Variants in PCNT observed in about 807,000 individuals in gnomAD.
PCNT encodes pericentrin, also known as kendrin.
A neutral mutation model predicts 380.4 loss-of-function variants in PCNT; 319 were observed. The observed-to-expected ratio is 0.84, with a 90% CI of 0.77 to 0.92. The LOEUF is 0.92. PCNT is among the 40% of genes least tolerant of loss of function. PCNT has a pLI of 0.00. For missense variants in PCNT, 4,400 were observed against 4,255.3 expected (o/e 1.03, Z -0.95); for synonymous variants, 1,845 against 1,735.2 (o/e 1.06, Z -1.57).
In PCNT at chr21:46,416,559, G is replaced by A. The variant is rs2087034856; in HGVS notation, c.6641G>A (p.Ser2214Asn). The A allele has an allele frequency of 1.9e-6, 3 of 1,612,400 alleles. No individual in the cohort carries two copies. The highest frequency in any genetic ancestry group is 1.7e-5 in the Admixed American group (1 of 59,880). ...ACTGCAGAGGCTGGGCCCCGGAAGA[G>A]CCCGGTCGGGATGCTGGACCTGTCT... is the stretch of plus-strand genomic sequence containing the variant. ...SHTAEAGPRK[S>N]PVGMLDLSSW... Residue 2214 changes from serine to asparagine, a missense_variant, in exon 30 of 47, where the codon AGC (serine) becomes AAC (asparagine). Coordinates refer to ENST00000359568, the MANE Select transcript of PCNT (RefSeq NM_006031.6).
chr21:46,398,131 G>A lies in PCNT; in HGVS notation c.4563+1G>A. On this transcript the variant is annotated splice_donor_variant, in intron 23 of 46. Transcript: ENST00000359568. LOFTEE classifies it high-confidence loss of function. ...GCCCTGGGGCCCTCGCGACAGCCAG[G>A]TGAGTCAGTGCAGCGTGCAGTGCTG... The A allele has an allele frequency of 6.2e-7, 1 of 1,607,034 alleles. No individual in the cohort carries two copies. The highest frequency in any genetic ancestry group is 8.5e-7 in the Non-Finnish European group (1 of 1,177,254).
chr21:46,441,182 CATA>C lies in PCNT; in HGVS notation c.9623+102_9623+104del, dbSNP rs2053598470. ...TTGGTCATTTTATTCCTTGAAACTC[CATA>C]ATATGTTCTTTTTAAAGATGAATGG... On this transcript the variant is annotated intron_variant, in intron 43 of 46. Coordinates refer to ENST00000359568, the MANE Select transcript of PCNT (RefSeq NM_006031.6). 3 of 777,622 alleles carry C rather than the reference CATA, an allele frequency of 3.9e-6. No homozygotes were observed. The Admixed American group carries it at 5.8e-5, about 15-fold the overall frequency. 48.2% of individuals were successfully genotyped at this position (777,622 alleles called of 1,614,324 possible).
At chr21:46,412,758 CCCAG>C in intron 28 of PCNT, 75 bp from the exon 29 acceptor site, 1 of 1,509,188 alleles carries the variant, frequency 6.6e-7, no homozygotes, top group South Asian at 1.1e-5. Flanking sequence ...CGTACTGGTT[CCCAG>C]CTCCAGGCCA....
chr21:46,398,298 C>T, intron 24 of PCNT, 43 bp downstream of exon 24: 1 of 1,572,810 alleles, frequency 6.4e-7, no homozygotes, highest in Non-Finnish European at 8.6e-7. Context: ...GCGCTGGCGC[C>T]CAGGCTCCCC....
In PCNT at chr21:46,389,208, T is replaced by A. The variant is rs1430261995; in HGVS notation, c.3617T>A (p.Leu1206Gln). Residue 1206 changes from leucine to glutamine, a missense_variant, in exon 19 of 47, where the codon CTG (leucine) becomes CAG (glutamine). Transcript: ENST00000359568. ...TCTGCTCATCTTGTAGCTCCGGCGC[T>A]GGAGGAGACATGGTCTGATGTGGCC... ...AGLALSTAPA[L>Q]EETWSDVALP... 1.9e-6 allele frequency: 3 copies of A among 1,614,006 alleles called. No individual in the cohort carries two copies. In the East Asian group the frequency reaches 6.7e-5, roughly 36 times the overall value.
chr21:46,427,958 A>G (rs537293199), intron 34 of PCNT, among the ~76,000 whole-genome samples, 163 bp downstream of exon 34: 11 of 152,332 alleles, frequency 7.2e-5, no homozygotes, highest in Admixed American at 2.6e-4. Context: ...CAGTCCATGC[A>G]GGATGCTGCA....
chr21:46,355,170 G>C (rs1183078736), intron 11 of PCNT, among the ~76,000 whole-genome samples: 1 of 152,184 alleles, frequency 6.6e-6, no homozygotes, highest in Admixed American at 6.5e-5. Context: ...GGAGAGGTCT[G>C]CCCGGTCCAG....
At position 46,346,856 on chromosome 21, in the gene PCNT, G is replaced by C; in HGVS notation, c.834G>C (p.Thr278=). Residue 278 remains threonine (T), a synonymous_variant, in exon 5 of 47, where the codon ACG becomes ACC. Transcript: ENST00000359568. The part of the protein sequence containing the change: ...NLQKEKETAL[T]ELREMLNSRR... The stretch of plus-strand genomic sequence containing the variant: ...AGAAGGAGAAGGAGACGGCATTGAC[G>C]GAGCTGCGGGAGATGCTCAACAGCC... The C allele has an allele frequency of 6.2e-7, 1 of 1,608,206 alleles. No homozygotes were observed. Among genetic ancestry groups the C allele is most frequent in the Non-Finnish European group, 8.5e-7 (1 of 1,177,960 alleles).
At chr21:46,324,811 C>G in intron 1 of PCNT, 2 of 897,248 alleles carry the variant, frequency 2.2e-6, no homozygotes, top group Middle Eastern at 5.6e-4. Flanking sequence ...GGGCGTGGCG[C>G]GGGTGGCCTG....
intron 32 of PCNT, among the ~76,000 whole-genome samples, chr21:46,423,344 C>T (rs1461413312): frequency 2.6e-5 from 4 of 151,436 alleles, no homozygotes; most frequent in African/African-American, 9.7e-5. Context: ...GCGTGAGCCA[C>T]CACACCCAGC....
intron 25 of PCNT, among the ~76,000 whole-genome samples, chr21:46,400,740 G>C (rs2032109): frequency 0.36 from 54,762 of 151,876 alleles, 10,552 homozygotes; most frequent in Middle Eastern, 0.5. Flanking sequence ...GGCTGGTCTC[G>C]AACTACTGAC....
intron 8 of PCNT, among the ~76,000 whole-genome samples, chr21:46,350,689 A>T (rs1026392763): frequency 2.0e-5 from 3 of 151,832 alleles, no homozygotes; most frequent in African/African-American, 7.3e-5. Flanking sequence ...TCCCAGCGGG[A>T]CTCTGGTGCC....
chr21:46,325,127 C>T (rs2083331301), intron 1 of PCNT: 4 of 985,416 alleles, frequency 4.1e-6, no homozygotes, highest in East Asian at 1.1e-4. Flanking sequence ...GAATAAAGCG[C>T]GCAGAGCCCA....
intron 2 of PCNT, among the ~76,000 whole-genome samples, chr21:46,332,497 T>C (rs1354479986): frequency 6.6e-6 from 1 of 152,234 alleles, no homozygotes; most frequent in Non-Finnish European, 1.5e-5. Context: ...ACATTAGAAG[T>C]GTCCTCTTAA....
rs2146654182 is a variant in PCNT, at chr21:46,353,185, A to T, written c.1538A>T (p.Glu513Val). Residue 513 changes from glutamate to valine, a missense_variant, in exon 10 of 47, where the codon GAG (glutamate) becomes GTG (valine). Glu to Val is a moderately radical substitution (Grantham distance 121). Transcript: ENST00000359568. ...QLKQREKTQH[E>V]SELEQLRIYF... ...AAGCAGCGAGAAAAAACCCAGCATG[A>T]GTCCGAACTGGAGCAACTGAGGATT... The T allele has an allele frequency of 6.2e-7, 1 of 1,614,146 alleles. No individual in the cohort carries two copies. Among genetic ancestry groups the T allele is most frequent in the South Asian group, 1.1e-5 (1 of 91,086 alleles).
At chr21:46,423,966 G>C (rs1439416845) in intron 32 of PCNT, among the ~76,000 whole-genome samples, 8 of 152,128 alleles carry the variant, frequency 5.3e-5, no homozygotes, top group African/African-American at 1.9e-4. Flanking sequence ...TTCAAACTCA[G>C]GGTTTTCCTT....
intron 28 of PCNT, among the ~76,000 whole-genome samples, chr21:46,412,570 T>C (rs922894280): frequency 7.2e-5 from 11 of 152,104 alleles, no homozygotes; most frequent in African/African-American, 2.7e-4. Flanking sequence ...ACCAGCTGGG[T>C]CTTTGTAGAG....
chr21:46,399,306 T>A (rs73907495), intron 24 of PCNT, among the ~76,000 whole-genome samples: 2 of 55,058 alleles, frequency 3.6e-5, no homozygotes, highest in African/African-American at 9.3e-5. Context: ...CTGGGTCTCT[T>A]TTCAGCCTGT....
chr21:46,381,820 A>G lies in PCNT; in HGVS notation c.3292A>G (p.Lys1098Glu). The G allele has an allele frequency of 1.2e-6, 2 of 1,614,244 alleles. No homozygotes were observed. Among genetic ancestry groups the G allele is most frequent in the Non-Finnish European group, 1.7e-6 (2 of 1,180,038 alleles). Residue 1098 changes from lysine to glutamate, a missense_variant, in exon 16 of 47, where the codon AAG (lysine) becomes GAG (glutamate). By Grantham distance (56) the Lys-to-Glu change is moderately conservative. Coordinates refer to ENST00000359568, the MANE Select transcript of PCNT (RefSeq NM_006031.6). ...GTCTTTGTCTCTGCAGCTTCAAAAG[A>G]AGAATCACCAAGTCCAGCAGGTGTG... The part of the protein sequence containing the change: ...KESLSLQLQK[K>E]NHQVQQLKDQ...
Sources: allele counts gnomAD v4.1 joint callset (sites outside exome capture counted in the v4.1 genomes callset), GRCh38; gene constraint gnomAD v4.1.1; transcripts MANE v1.5; gene names NCBI Gene and HGNC (gene_info 2026-07-23, HGNC 2026-07-21).